Variants in RUNDC3B observed in about 807,000 individuals in gnomAD.
The protein encoded by RUNDC3B is RUN domain containing 3B.
A neutral mutation model predicts 58.4 loss-of-function variants in RUNDC3B; 33 were observed. That is an observed-to-expected ratio of 0.56 (90% confidence interval 0.43 to 0.75). The LOEUF (loss-of-function observed/expected upper bound fraction) is 0.75. RUNDC3B is among the 30% of genes least tolerant of loss of function. RUNDC3B has a pLI of 0.00. For missense variants in RUNDC3B, 501 were observed against 535.7 expected, an observed-to-expected ratio of 0.94 and a Z score of 0.64; for synonymous variants, 193 against 195.2, an observed-to-expected ratio of 0.99 and a Z score of 0.10.
chr7:87,638,234 A>G (rs1323750454), intron 1 of RUNDC3B, among the ~76,000 whole-genome samples: 1 of 152,024 alleles, frequency 6.6e-6, no homozygotes, highest in Admixed American at 6.6e-5. Context: ...GGATTTTTGC[A>G]TATTTATTCA....
At chr7:87,709,279 C>A in intron 3 of RUNDC3B, 1 of 985,310 alleles carries the variant, frequency 1.0e-6, no homozygotes, top group South Asian at 4.7e-5. Flanking sequence ...GAGCAACTTT[C>A]TTGACTTCAT....
At chr7:87,816,045 C>A in intron 9 of RUNDC3B, 96 bp from the exon 10 acceptor site, 1 of 859,684 alleles carries the variant, frequency 1.2e-6, no homozygotes, top group Non-Finnish European at 1.8e-6. Flanking sequence ...GAATTTTAAC[C>A]AGAAATTTAA....
intron 9 of RUNDC3B, among the ~76,000 whole-genome samples, chr7:87,812,463 G>C (rs1330350090): frequency 6.6e-6 from 1 of 152,100 alleles, no homozygotes; most frequent in Non-Finnish European, 1.5e-5. Flanking sequence ...ACAAAAATTA[G>C]CCAGGCATGG....
intron 8 of RUNDC3B, among the ~76,000 whole-genome samples, chr7:87,799,844 C>G (rs1836030447): frequency 6.7e-6 from 1 of 150,184 alleles, no homozygotes; most frequent in Admixed American, 6.6e-5. Context: ...CAAGATCGTG[C>G]CACTGCACTC....
At chr7:87,707,963 A>G (rs1829754594) in intron 3 of RUNDC3B, among the ~76,000 whole-genome samples, 5 of 152,110 alleles carry the variant, frequency 3.3e-5, no homozygotes, top group Admixed American at 3.3e-4. Context: ...TGAAATTGAA[A>G]AATATTTGGA....
rs189701094 is a variant in RUNDC3B at position 87,718,466 on chromosome 7, G to A, written c.458+7811G>A. 2.0e-5 allele frequency among the ~76,000 whole-genome samples: 3 copies of A among 152,258 alleles called. No individual in the cohort carries two copies. The East Asian group carries it at 5.8e-4, about 29-fold the overall frequency. On this transcript the variant is annotated intron_variant, in intron 4 of 10. Transcript: ENST00000394654. The stretch of plus-strand genomic sequence containing the variant: ...CAGTGAGCCATTCTTACCCATCAGA[G>A]TGATGGTAATCCTTCCAAAATCTAA...
rs556316277 is a variant in RUNDC3B at position 87,633,252 on chromosome 7, T to C, written c.122+4307T>C. Among the ~76,000 whole-genome samples the C allele has an allele frequency of 7.9e-5, 12 of 152,372 alleles. No homozygotes were observed. In the East Asian group the frequency reaches 2.3e-3, roughly 29 times the overall value. On this transcript the variant is annotated intron_variant, in intron 1 of 10. Coordinates refer to ENST00000394654, the MANE Select transcript of RUNDC3B (RefSeq NM_001134405.2). ...GCAGGATTTGTATAACTGAAATTTA[T>C]TTAAGCGCACAAGTTTAATCCACAA...
chr7:87,660,278 CT>C (rs906646578), intron 2 of RUNDC3B, among the ~76,000 whole-genome samples: 3 of 152,014 alleles, frequency 2.0e-5, no homozygotes, highest in African/African-American at 7.2e-5. Flanking sequence ...TACTAATTCA[CT>C]TTATGCTTTC....
rs1246289808 is a variant in RUNDC3B, at chr7:87,700,505, G to T, written c.323G>T (p.Cys108Phe). 6.2e-7 allele frequency: 1 copy of T among 1,613,374 alleles called. No individual in the cohort carries two copies. Among genetic ancestry groups the T allele is most frequent in the Non-Finnish European group, 8.5e-7 (1 of 1,179,630 alleles). The change falls in exon 3 of 11, where the codon TGT (cysteine) becomes TTT (phenylalanine). Residue 108 changes from cysteine (C) to phenylalanine (F), a missense_variant. Cys to Phe is a radical substitution (Grantham distance 205, BLOSUM62 -2). Coordinates refer to ENST00000394654, the MANE Select transcript of RUNDC3B (RefSeq NM_001134405.2). The part of the protein sequence containing the change: ...RVACRKVSQN[C>F]ICSIENMENV... ...GCTTGCCGGAAAGTTTCACAGAATT[G>T]TATCTGCAGCATTGAAAATATGGAA...
chr7:87,799,685 A>G (rs1459052140), intron 8 of RUNDC3B, among the ~76,000 whole-genome samples: 1 of 151,968 alleles, frequency 6.6e-6, no homozygotes, highest in African/African-American at 2.4e-5. Flanking sequence ...TCAAGAGATC[A>G]AGACCATCCT....
At chr7:87,744,426 G>A (rs1563179633) in intron 6 of RUNDC3B, among the ~76,000 whole-genome samples, 2 of 152,082 alleles carry the variant, frequency 1.3e-5, no homozygotes, top group Non-Finnish European at 2.9e-5. Flanking sequence ...TCACAATATT[G>A]ATTCTACCCA....
intron 2 of RUNDC3B, among the ~76,000 whole-genome samples, chr7:87,665,317 A>G (rs1394564158): frequency 6.6e-6 from 1 of 152,136 alleles, no homozygotes; most frequent in Non-Finnish European, 1.5e-5. Flanking sequence ...AAAAATAGAA[A>G]TTAAGAAAAC....
In RUNDC3B at chr7:87,829,995, A is replaced by T; in HGVS notation, c.1336A>T (p.Thr446Ser). The T allele has an allele frequency of 1.9e-6, 3 of 1,608,420 alleles. No homozygotes were observed. The highest frequency in any genetic ancestry group is 2.5e-6 in the Non-Finnish European group (3 of 1,177,288). ...KSNDYLASPT[T>S]EMTSPGLTPS ...TAATGACTACCTTGCAAGTCCTACA[A>T]CAGAGATGACAAGTCCAGGCCTAAC... Residue 446 changes from threonine to serine, a missense_variant, in exon 11 of 11, where the codon ACA becomes TCA. Physicochemically the swap from Thr to Ser is moderately conservative, Grantham distance 58. Coordinates refer to ENST00000394654, the MANE Select transcript of RUNDC3B (RefSeq NM_001134405.2).
At chr7:87,640,583 A>G (rs1482152472) in intron 1 of RUNDC3B, among the ~76,000 whole-genome samples, 1 of 152,108 alleles carries the variant, frequency 6.6e-6, no homozygotes, top group Non-Finnish European at 1.5e-5. Flanking sequence ...GGCCTCAGGC[A>G]TTCCTCCTGC....
At chr7:87,633,821 A>G (rs1245115983) in intron 1 of RUNDC3B, among the ~76,000 whole-genome samples, 1 of 152,180 alleles carries the variant, frequency 6.6e-6, no homozygotes, top group Admixed American at 6.5e-5. Context: ...GTGAAATGTT[A>G]TTGAATATTA....
At chr7:87,673,740 C>G (rs1826054287) in intron 2 of RUNDC3B, among the ~76,000 whole-genome samples, 1 of 152,150 alleles carries the variant, frequency 6.6e-6, no homozygotes, top group African/African-American at 2.4e-5. Context: ...GGTTAAGAAC[C>G]ATTGCTGGGA....
intron 3 of RUNDC3B, among the ~76,000 whole-genome samples, chr7:87,701,408 T>G (rs1205970888): frequency 2.6e-5 from 4 of 152,220 alleles, no homozygotes; most frequent in Non-Finnish European, 5.9e-5. Context: ...CTTCCCAATA[T>G]AGAAAAGCTT....
At chr7:87,770,166 A>C (rs1405322623) in intron 6 of RUNDC3B, among the ~76,000 whole-genome samples, 2 of 152,066 alleles carry the variant, frequency 1.3e-5, no homozygotes, top group Non-Finnish European at 2.9e-5. Context: ...TATTAGCTGG[A>C]ACTGCTGTTG....
At chr7:87,694,053 T>C in intron 2 of RUNDC3B, 1 of 1,563,960 alleles carries the variant, frequency 6.4e-7, no homozygotes, top group Non-Finnish European at 8.6e-7. Context: ...TGATCTTTTT[T>C]AGTACATTGC....
Sources: gnomAD v4.1 joint callset for allele counts (sites outside exome capture counted in the v4.1 genomes callset) on GRCh38, gnomAD v4.1.1 for gene constraint, MANE v1.5 for transcripts, NCBI Gene and HGNC (gene_info 2026-07-23, HGNC 2026-07-21) for gene names.